Variants in PCDH15 observed in about 807,000 individuals in gnomAD.
The protein encoded by PCDH15 is protocadherin-15.
Under a neutral mutation model 178.5 loss-of-function variants are expected in PCDH15, and 129 were observed. That is an observed-to-expected ratio of 0.72 (90% CI 0.63 to 0.84). The LOEUF (loss-of-function observed/expected upper bound fraction) is 0.84. PCDH15 is among the 40% of genes least tolerant of loss of function. PCDH15 has a pLI of 0.00. For synonymous variants in PCDH15, 800 were observed against 732.0 expected (o/e 1.09, Z -1.50); for missense variants, 2,230 against 2,099.9 (o/e 1.06, Z -1.21).
At chr10:53,973,434 G>A (rs2089929021) in intron 21 of PCDH15, among the ~76,000 whole-genome samples, 1 of 151,696 alleles carries the variant, frequency 6.6e-6, no homozygotes, top group Admixed American at 6.6e-5. Flanking sequence ...AGAACTTAAA[G>A]TATATTAAAA....
At chr10:54,774,089 C>T (rs1393605149) in intron 1 of PCDH15, among the ~76,000 whole-genome samples, 7 of 129,172 alleles carry the variant, frequency 5.4e-5, no homozygotes, top group Non-Finnish European at 1.1e-4. Context: ...AGTGCAGTGG[C>T]GCGGTCTCGG....
chr10:54,709,688 G>C (rs1278649293), intron 1 of PCDH15, among the ~76,000 whole-genome samples: 2 of 146,522 alleles, frequency 1.4e-5, no homozygotes, highest in African/African-American at 2.5e-5. Flanking sequence ...TAATGTGTGT[G>C]TGTGTGTATA....
At chr10:55,023,997 CATAT>C (rs1406002391) in intron 2 of PCDH15, among the ~76,000 whole-genome samples, 5 of 147,934 alleles carry the variant, frequency 3.4e-5, no homozygotes, top group African/African-American at 1.2e-4. Flanking sequence ...ATCTGTCTCT[CATAT>C]ATATAATCTT....
intron 15 of PCDH15, among the ~76,000 whole-genome samples, chr10:54,100,458 T>G (rs1277639293): frequency 6.6e-6 from 1 of 152,194 alleles, no homozygotes; most frequent in East Asian, 1.9e-4. Context: ...TGGGACTCTT[T>G]CACTTATAAG....
chr10:55,152,639 T>C (rs2589432), intron 2 of PCDH15, among the ~76,000 whole-genome samples: 137,365 of 152,126 alleles, frequency 0.9, 62,693 homozygotes, highest in Non-Finnish European at 0.97. Flanking sequence ...CTTCAGGGGA[T>C]TATTGGACAT....
intron 4 of PCDH15, among the ~76,000 whole-genome samples, chr10:54,370,255 T>C (rs1947455285): frequency 6.6e-6 from 1 of 151,920 alleles, no homozygotes; most frequent in African/African-American, 2.4e-5. Flanking sequence ...TATGCAACTT[T>C]ATCTCTAAAT....
intron 2 of PCDH15, among the ~76,000 whole-genome samples, chr10:55,070,574 A>G (rs1239104804): frequency 2.0e-5 from 3 of 152,164 alleles, no homozygotes; most frequent in African/African-American, 7.2e-5. Context: ...GGTTTGTGAA[A>G]GATCAGATAG....
intron 1 of PCDH15, among the ~76,000 whole-genome samples, chr10:54,686,135 C>T (rs1322963778): frequency 6.7e-6 from 1 of 148,990 alleles, no homozygotes; most frequent in Non-Finnish European, 1.5e-5. Flanking sequence ...ATCAGCCTCC[C>T]CAAGTGCTGG....
intron 3 of PCDH15, among the ~76,000 whole-genome samples, chr10:54,434,362 G>C (rs1322016565): frequency 1.3e-5 from 2 of 152,132 alleles, no homozygotes; most frequent in African/African-American, 4.8e-5. Flanking sequence ...GACTCACCCA[G>C]AGTAACTTCC....
intron 8 of PCDH15, among the ~76,000 whole-genome samples, chr10:54,291,183 C>T (rs1305811840): frequency 1.3e-5 from 2 of 152,112 alleles, no homozygotes; most frequent in African/African-American, 4.8e-5. Context: ...CAAAAATGCA[C>T]AACTACAAGG....
chr10:53,971,699 G>T (rs984576300), intron 21 of PCDH15, among the ~76,000 whole-genome samples: 5 of 152,140 alleles, frequency 3.3e-5, no homozygotes, highest in African/African-American at 1.2e-4. Context: ...TTGCTTCAAA[G>T]AGAATAAAAT....
intron 2 of PCDH15, among the ~76,000 whole-genome samples, chr10:55,625,482 T>C (rs984050124): frequency 2.0e-5 from 3 of 152,182 alleles, no homozygotes; most frequent in Non-Finnish European, 4.4e-5. Context: ...TCCTGTTAGA[T>C]ATGCAATTAA....
intron 2 of PCDH15, among the ~76,000 whole-genome samples, chr10:54,939,765 C>T (rs1838013112): frequency 6.6e-6 from 1 of 152,112 alleles, no homozygotes; most frequent in Non-Finnish European, 1.5e-5. Context: ...GGTGAAGACT[C>T]ACTTTATGAT....
At chr10:55,006,989 T>C (rs72800085) in intron 2 of PCDH15, among the ~76,000 whole-genome samples, 1 of 152,150 alleles carries the variant, frequency 6.6e-6, no homozygotes, top group Non-Finnish European at 1.5e-5. Context: ...GTTCTGGTCA[T>C]GTAAAACTGT....
chr10:55,056,521 A>C (rs925097448), intron 2 of PCDH15, among the ~76,000 whole-genome samples: 18 of 56,394 alleles, frequency 3.2e-4, no homozygotes, highest in African/African-American at 2.3e-3. Flanking sequence ...TTCAAAATCT[A>C]AGTTTCCATT....
In PCDH15 at chr10:54,358,852, T is replaced by C. The variant is rs574536275; in HGVS notation, c.474+10268A>G. Among the ~76,000 whole-genome samples, 1,150 of 152,014 alleles carry C rather than the reference T, an allele frequency of 7.6e-3. 14 individuals carry two copies. The highest frequency in any genetic ancestry group is 0.026 in the African/African-American group (1,087 of 41,446). On this transcript the variant is annotated intron_variant, in intron 5 of 37. Transcript: ENST00000644397. ...AGCCATAAAAAATGATGAGTTCATG[T>C]CCTTTGTAGGGACATGGATGAAACT...
At chr10:55,107,141 T>C (rs1261521338) in intron 2 of PCDH15, among the ~76,000 whole-genome samples, 5 of 152,202 alleles carry the variant, frequency 3.3e-5, no homozygotes, top group Admixed American at 2.6e-4. Context: ...CCAGAAGAAT[T>C]CTCTTTCAGA....
intron 2 of PCDH15, among the ~76,000 whole-genome samples, chr10:55,541,833 T>C (rs1342656214): frequency 6.6e-6 from 1 of 151,906 alleles, no homozygotes; most frequent in Non-Finnish European, 1.5e-5. Flanking sequence ...AGCACCAGAA[T>C]CTAGGATTAT....
At chr10:54,106,102 G>A (rs1453872786) in intron 15 of PCDH15, among the ~76,000 whole-genome samples, 1 of 152,312 alleles carries the variant, frequency 6.6e-6, no homozygotes, top group African/African-American at 2.4e-5. Context: ...ACAGAAAGCA[G>A]ACTGGTAGTT....
Sources: allele counts gnomAD v4.1 joint callset (sites outside exome capture counted in the v4.1 genomes callset), GRCh38; gene constraint gnomAD v4.1.1; transcripts MANE v1.5; gene names NCBI Gene and HGNC (gene_info 2026-07-23, HGNC 2026-07-21).